Variants in MYO7A observed in about 807,000 individuals in gnomAD.
The protein encoded by MYO7A is myosin VIIA.
In MYO7A, 210 loss-of-function variants were observed where a neutral mutation model predicts 263.8. The observed-to-expected ratio is 0.80, with a 90% CI of 0.71 to 0.89. The LOEUF (loss-of-function observed/expected upper bound fraction) is 0.89, where lower values mean the gene tolerates loss of function less well. Among genes scored for constraint, MYO7A ranks in the 40% least tolerant of loss-of-function variants. The pLI is 0.00. For synonymous variants in MYO7A, 1,239 were observed against 1,197.3 expected, an observed-to-expected ratio of 1.03 and a Z score of -0.72; for missense variants, 2,820 against 2,968.3, an observed-to-expected ratio of 0.95 and a Z score of 1.16.
At chr11:77,175,592 C>A in intron 18 of MYO7A, 128 bp downstream of exon 18, 2 of 902,362 alleles carry the variant, frequency 2.2e-6, no homozygotes, top group Non-Finnish European at 3.6e-6. Flanking sequence ...TGTGGTGTGG[C>A]TGGAGGAGCA....
At chr11:77,185,717 A>C (rs1955598773) in intron 27 of MYO7A, among the ~76,000 whole-genome samples, 1 of 152,232 alleles carries the variant, frequency 6.6e-6, no homozygotes, top group African/African-American at 2.4e-5. Context: ...TCTGAATGGC[A>C]CTGAGAATAG....
rs908932600 is a variant in MYO7A at position 77,172,831 on chromosome 11, C to G, written c.1881C>G (p.Ala627=). 5.8e-6 allele frequency: 9 copies of G among 1,552,476 alleles called. No homozygotes were observed. The highest frequency in any genetic ancestry group is 7.8e-6 in the Non-Finnish European group (9 of 1,147,676). Residue 627 remains alanine (A), a synonymous_variant, in exon 16 of 49, where the codon GCC becomes GCG. Coordinates refer to ENST00000409709, the MANE Select transcript of MYO7A (RefSeq NM_000260.4). The part of the protein sequence containing the change: ...SLELLMRTLG[A]CQPFFVRCIK... ...AGCTGCTGATGCGCACGCTGGGTGCCTGCCAGCCCTTCTTTGTGCGATGCA... is the reference window on the plus strand; with the variant it reads ...AGCTGCTGATGCGCACGCTGGGTGCGTGCCAGCCCTTCTTTGTGCGATGCA...
chr11:77,182,605 G>A lies in MYO7A; in HGVS notation c.3285+5G>A. 7 of 1,612,750 alleles carry A rather than the reference G, an allele frequency of 4.3e-6. No homozygotes were observed. The highest frequency in any genetic ancestry group is 5.9e-6 in the Non-Finnish European group (7 of 1,179,826). On this transcript the variant is annotated splice_donor_5th_base_variant and intron_variant, in intron 25 of 48. Coordinates refer to ENST00000409709, the MANE Select transcript of MYO7A (RefSeq NM_000260.4). ...GCCCTGCAGGGCGAGGGCGAGGTGA[G>A]GCCAAGGTGCCCTCTGGATGATGTC...
At chr11:77,195,886 C>G (rs999809908) in intron 32 of MYO7A, among the ~76,000 whole-genome samples, 3 of 152,254 alleles carry the variant, frequency 2.0e-5, no homozygotes, top group African/African-American at 7.2e-5. Flanking sequence ...GCTCCGAGAT[C>G]AAGGTGTCAG....
At chr11:77,173,010 C>T in intron 16 of MYO7A, 125 bp downstream of exon 16, 2 of 1,348,668 alleles carry the variant, frequency 1.5e-6, no homozygotes, top group Non-Finnish European at 2.0e-6. Context: ...TGGGGGGCAC[C>T]CCGGGAGCTT....
intron 31 of MYO7A, 120 bp from the exon 32 acceptor site, chr11:77,194,234 G>C: frequency 8.3e-7 from 1 of 1,203,416 alleles, no homozygotes; most frequent in Non-Finnish European, 1.2e-6. Context: ...GGTCCCAAAG[G>C]CCAGGCTCTG....
chr11:77,158,432 TG>T lies in MYO7A; in HGVS notation c.1003+3del. The T allele has an allele frequency of 6.2e-7, 1 of 1,610,108 alleles. No individual in the cohort carries two copies. ...ACCTGGGCAACCTGCAGTATGAGGG[TG>T]AGGCTGCGCCACACTCGCCCTGCCC... On this transcript the variant is annotated splice_donor_region_variant and intron_variant, in intron 9 of 48. Coordinates refer to ENST00000409709, the MANE Select transcript of MYO7A (RefSeq NM_000260.4).
At position 77,175,497 on chromosome 11, in the gene MYO7A, G is replaced by A. The variant is rs543022784; in HGVS notation, c.2187+33G>A. On this transcript the variant is annotated intron_variant, in intron 18 of 48. Coordinates refer to ENST00000409709, the MANE Select transcript of MYO7A (RefSeq NM_000260.4). The stretch of plus-strand genomic sequence containing the variant: ...CAGATGCCTTCCCTGGGCTGCCCTG[G>A]GGGGGCTGTAAATTCCCATGATGTG... The A allele has an allele frequency of 8.1e-5, 130 of 1,599,724 alleles. 1 individual carries two copies. In the South Asian group the frequency reaches 1.3e-3, roughly 16 times the overall value.
chr11:77,181,380 G>A lies in MYO7A; in HGVS notation c.2695G>A (p.Glu899Lys), dbSNP rs1555083986. ...AKEEAERKHQ[E>K]RLAQLAREDA... ...CTTCTGTGTCACCCCAATTGCCCAG[G>A]AGCGCCTGGCCCAGCTGGCTCGTGA... is the stretch of plus-strand genomic sequence containing the variant. The change falls in exon 23 of 49, where the codon GAG becomes AAG. Residue 899 changes from glutamate to lysine, a missense_variant and splice_region_variant. Coordinates refer to ENST00000409709, the MANE Select transcript of MYO7A (RefSeq NM_000260.4). 2 of 1,558,226 alleles carry A rather than the reference G, an allele frequency of 1.3e-6. No individual in the cohort carries two copies. Among genetic ancestry groups the A allele is most frequent in the African/African-American group, 1.4e-5 (1 of 73,598 alleles).
rs1468924531 is a variant in MYO7A at position 77,206,185 on chromosome 11, C to A, written c.5725C>A (p.Pro1909Thr). Residue 1909 changes from proline to threonine, a missense_variant, in exon 41 of 49, where the codon CCT (proline) becomes ACT (threonine). Pro to Thr is a conservative substitution (Grantham distance 38, BLOSUM62 -1). Transcript: ENST00000409709. ...TTQIFHKVYF[P>T]DDTDEAFEVE... is the part of the protein sequence containing the mutation. ...CCAGATTTTCCACAAAGTCTACTTCCCTGATGACACTGACGAGGTGAGGGT... is the reference window on the plus strand; with the variant it reads ...CCAGATTTTCCACAAAGTCTACTTCACTGATGACACTGACGAGGTGAGGGT... The A allele has an allele frequency of 6.2e-7, 1 of 1,612,722 alleles. No individual in the cohort carries two copies. The highest frequency in any genetic ancestry group is 8.5e-7 in the Non-Finnish European group (1 of 1,179,306).
intron 46 of MYO7A, chr11:77,212,686 G>A: frequency 1.8e-6 from 1 of 548,344 alleles, no homozygotes; most frequent in East Asian, 3.1e-5. Flanking sequence ...CAGGTGCAGG[G>A]TCCAGGAGGC....
intron 14 of MYO7A, among the ~76,000 whole-genome samples, chr11:77,164,749 GA>G (rs1382667700): frequency 6.6e-6 from 1 of 152,220 alleles, no homozygotes; most frequent in Non-Finnish European, 1.5e-5. Context: ...TGAGGATACA[GA>G]AGTGAAAATT....
chr11:77,182,641 C>A, intron 25 of MYO7A, 41 bp downstream of exon 25: 1 of 1,605,098 alleles, frequency 6.2e-7, no homozygotes, highest in South Asian at 1.1e-5. Context: ...CCTCCCAGGC[C>A]GACAAGGAGG....
chr11:77,175,016 T>C (rs1954508634), intron 17 of MYO7A, 102 bp downstream of exon 17: 14 of 1,444,282 alleles, frequency 9.7e-6, no homozygotes, highest in Middle Eastern at 1.9e-4. Flanking sequence ...GCTTGACATC[T>C]GCTTGACCTC....
intron 10 of MYO7A, 64 bp downstream of exon 10, chr11:77,159,587 A>T: frequency 7.2e-6 from 11 of 1,528,260 alleles, no homozygotes; most frequent in Non-Finnish European, 9.9e-6. Context: ...GTTTAAGCTC[A>T]TTGGGGGCTG....
chr11:77,157,201 C>T, intron 7 of MYO7A, 78 bp from the exon 8 acceptor site: 1 of 1,380,966 alleles, frequency 7.2e-7, no homozygotes, highest in Non-Finnish European at 1.0e-6. Flanking sequence ...AAATAGTAAA[C>T]CATCATCCCA....
Position 77,166,123 on chromosome 11 carries a change from C to A in MYO7A, c.1758C>A (p.Asn586Lys), listed in dbSNP as rs782395461. The A allele has an allele frequency of 2.5e-6, 4 of 1,613,930 alleles. No homozygotes were observed. The highest frequency in any genetic ancestry group is 1.7e-6 in the Non-Finnish European group (2 of 1,179,878). ...DIIQLVHSSR[N>K]KFIKQIFQAD... ...TCCAGCTGGTCCACTCCTCCAGGAACAAGTTCATCAAGCAGATCTTCCAGG... is the reference window on the plus strand; with the variant it reads ...TCCAGCTGGTCCACTCCTCCAGGAAAAAGTTCATCAAGCAGATCTTCCAGG... Residue 586 changes from asparagine (N) to lysine (K), a missense_variant, in exon 15 of 49, where the codon AAC becomes AAA. Coordinates refer to ENST00000409709, the MANE Select transcript of MYO7A (RefSeq NM_000260.4).
chr11:77,213,829 G>C, intron 47 of MYO7A, 31 bp from the exon 48 acceptor site: 1 of 1,613,544 alleles, frequency 6.2e-7, no homozygotes, highest in Non-Finnish European at 8.5e-7. Flanking sequence ...GGCCCAGGCC[G>C]TGCCTCTCTA....
intron 41 of MYO7A, 99 bp from the exon 42 acceptor site, chr11:77,207,190 G>A (rs1442609584): frequency 1.9e-5 from 14 of 750,100 alleles, no homozygotes; most frequent in East Asian, 1.4e-4. Context: ...TGTCTGGCAC[G>A]GGAGGGGGCT....
Sources: gnomAD v4.1 joint callset for allele counts (sites outside exome capture counted in the v4.1 genomes callset) on GRCh38, gnomAD v4.1.1 for gene constraint, MANE v1.5 for transcripts, NCBI Gene and HGNC (gene_info 2026-07-23, HGNC 2026-07-21) for gene names.